Variants in PRH1 observed in about 807,000 individuals in gnomAD.
The protein encoded by PRH1 is salivary acidic proline-rich phosphoprotein 1/2.
A neutral mutation model predicts 7.9 loss-of-function variants in PRH1; 7 were observed. The observed-to-expected ratio is 0.89, with a 90% CI of 0.50 to 1.67. The LOEUF (loss-of-function observed/expected upper bound fraction) is 1.67. PRH1 is among the 40% of genes most tolerant of loss of function. The probability of loss-of-function intolerance (pLI) is 0.00; values close to 1 mark genes in which losing one functional copy is unlikely to be tolerated. For missense variants in PRH1, 109 were observed against 223.6 expected, an observed-to-expected ratio of 0.49 and a Z score of 3.27; for synonymous variants, 45 against 80.8, an observed-to-expected ratio of 0.56 and a Z score of 2.38.
intron 2 of PRH1, chr12:10,938,454 A>C: frequency 6.2e-7 from 1 of 1,614,098 alleles, no homozygotes; most frequent in African/African-American, 1.3e-5. Context: ...TCAGAGGTCC[A>C]AACTGATATG....
chr12:11,050,051 T>A (rs1591892558), upstream of PRH1, among the ~76,000 whole-genome samples: 1 of 152,288 alleles, frequency 6.6e-6, no homozygotes, highest in South Asian at 2.1e-4. Context: ...GAATAATATT[T>A]ATCAAACATG....
rs560267904 is a variant in PRH1, at chr12:11,130,460, T to G, written n.40-9280A>C. Among the ~76,000 whole-genome samples the G allele has an allele frequency of 4.6e-4, 70 of 152,280 alleles. 1 individual carries two copies. Among genetic ancestry groups the G allele is most frequent in the African/African-American group, 1.6e-3 (67 of 41,560 alleles). On this transcript the variant is annotated intron_variant and non_coding_transcript_variant, in intron 1 of 1. Coordinates refer to the PRH1 transcript ENST00000541175. ...TTTTGGAGACAACATATTCCACATT[T>G]GAGAATATTGCTCTGACTCACGAAC... is the stretch of plus-strand genomic sequence containing the variant.
intron 1 of PRH1, among the ~76,000 whole-genome samples, chr12:11,107,660 C>T (rs968879885): frequency 3.3e-5 from 5 of 152,154 alleles, no homozygotes; most frequent in African/African-American, 9.7e-5. Flanking sequence ...CAAAGCTGCA[C>T]GAATCAGGAT....
intron 2 of PRH1, among the ~76,000 whole-genome samples, chr12:10,903,970 C>G (rs1401010653): frequency 1.5e-5 from 1 of 68,358 alleles, no homozygotes; most frequent in Admixed American, 1.9e-4. Flanking sequence ...AGGACTACAG[C>G]TAACCAAGGA....
chr12:11,145,764 T>TCA (rs1946842823), intron 1 of PRH1, among the ~76,000 whole-genome samples: 2 of 151,480 alleles, frequency 1.3e-5, no homozygotes, highest in Admixed American at 6.6e-5. Context: ...ATTAAGAACT[T>TCA]TTTTTTTGTA....
chr12:10,972,279 G>A (rs1164864528), intron 2 of PRH1, among the ~76,000 whole-genome samples: 1 of 152,148 alleles, frequency 6.6e-6, no homozygotes, highest in Non-Finnish European at 1.5e-5. Flanking sequence ...CACTGGGCAT[G>A]ATCCCCCTTA....
At position 10,962,931 on chromosome 12, in the gene PRH1, T is replaced by G. The variant is rs192172124; in HGVS notation, c.-59+10724A>C. Among the ~76,000 whole-genome samples, 1,273 of 152,218 alleles carry G rather than the reference T, an allele frequency of 8.4e-3. 9 individuals carry two copies. Among genetic ancestry groups the G allele is most frequent in the Middle Eastern group, 0.017 (5 of 294 alleles). On this transcript the variant is annotated intron_variant, in intron 2 of 3. Transcript: ENST00000539853. ...ACTACAGGCTCCCGCCACCACGCCC[T>G]GCTAATTTTTTTGTATTTTTAGCAG... is the stretch of plus-strand genomic sequence containing the variant.
chr12:10,905,968 G>A (rs1212233000), intron 2 of PRH1, among the ~76,000 whole-genome samples: 1 of 152,156 alleles, frequency 6.6e-6, no homozygotes, highest in Non-Finnish European at 1.5e-5. Flanking sequence ...GAGTGCAGAG[G>A]TGAAAATACT....
chr12:11,018,426 G>T (rs988708986), intron 1 of PRH1, among the ~76,000 whole-genome samples: 9 of 152,220 alleles, frequency 5.9e-5, no homozygotes, highest in African/African-American at 2.2e-4. Flanking sequence ...TGCTTCCTCA[G>T]ATTCCCTTGA....
rs1439155026 is a variant in PRH1 at position 10,911,031 on chromosome 12, C to T, written c.-58-26756G>A. ...GTCAAGATAGAATAGAAAATGTCTCCTTTAACAGTTTGTTAGGTTTGTATA... is the reference window on the plus strand; with the variant it reads ...GTCAAGATAGAATAGAAAATGTCTCTTTTAACAGTTTGTTAGGTTTGTATA... On this transcript the variant is annotated intron_variant, in intron 2 of 3. Coordinates refer to the PRH1 transcript ENST00000539853. Among the ~76,000 whole-genome samples the T allele has an allele frequency of 1.3e-5, 2 of 152,096 alleles. 1 individual carries two copies. The highest frequency in any genetic ancestry group is 3.9e-4 in the East Asian group (2 of 5,190).
In PRH1 at chr12:10,997,360, C is replaced by T. The variant is rs113758584; in HGVS notation, c.-125-23639G>A. Reference sequence around the variant, plus strand: ...TGGCTACAGTCAAGTTGGAAAGGTGCATTGCATTCCTCAGTTTGATCTTCC... The same window carrying T: ...TGGCTACAGTCAAGTTGGAAAGGTGTATTGCATTCCTCAGTTTGATCTTCC... On this transcript the variant is annotated intron_variant, in intron 1 of 3. Transcript: ENST00000539853. 547 of 1,614,096 alleles carry T rather than the reference C, an allele frequency of 3.4e-4. 3 individuals are homozygous for T. The African/African-American group carries it at 6.3e-3, about 18-fold the overall frequency.
chr12:11,057,542 TAAC>T (rs551858818), intron 1 of PRH1, among the ~76,000 whole-genome samples: 5 of 152,234 alleles, frequency 3.3e-5, no homozygotes, highest in Non-Finnish European at 7.3e-5. Flanking sequence ...TAAAATATAA[TAAC>T]CGCATTCCCT....
At chr12:10,924,788 T>C (rs896465367) in intron 2 of PRH1, among the ~76,000 whole-genome samples, 4 of 152,220 alleles carry the variant, frequency 2.6e-5, no homozygotes, top group African/African-American at 7.2e-5. Flanking sequence ...TTTATTTGCA[T>C]AGAGGTGTTT....
intron 1 of PRH1, among the ~76,000 whole-genome samples, chr12:11,124,525 G>A (rs971669393): frequency 1.1e-4 from 16 of 152,206 alleles, no homozygotes; most frequent in South Asian, 2.1e-4. Flanking sequence ...GTTTTCTTCA[G>A]CAATGTATTT....
chr12:11,058,513 G>C (rs1943456011), intron 1 of PRH1, among the ~76,000 whole-genome samples: 1 of 152,276 alleles, frequency 6.6e-6, no homozygotes, highest in Admixed American at 6.5e-5. Context: ...TGGGATTTTG[G>C]AGCCAACATA....
chr12:11,047,393 G>A (rs1942941460), upstream of PRH1, among the ~76,000 whole-genome samples: 1 of 151,892 alleles, frequency 6.6e-6, no homozygotes, highest in Non-Finnish European at 1.5e-5. Flanking sequence ...TTTTAAGAGA[G>A]GGAATAATTG....
chr12:11,069,326 C>T (rs1258761556), intron 1 of PRH1, among the ~76,000 whole-genome samples: 3 of 152,020 alleles, frequency 2.0e-5, no homozygotes, highest in East Asian at 3.9e-4. Flanking sequence ...GGATAATCAC[C>T]CTTACGCTTG....
At chr12:11,170,248 A>C (rs1434361886) in intron 1 of PRH1, among the ~76,000 whole-genome samples, 1 of 152,188 alleles carries the variant, frequency 6.6e-6, no homozygotes, top group African/African-American at 2.4e-5. Context: ...TAATGGTATT[A>C]AGAGTTTGGA....
intron 1 of PRH1, chr12:11,005,920 T>C (rs963455087): frequency 1.3e-5 from 2 of 152,172 alleles, no homozygotes; most frequent in Non-Finnish European, 2.9e-5. Context: ...TATTTTCCAC[T>C]GAAGACTCTA....
Sources: allele counts gnomAD v4.1 joint callset (sites outside exome capture counted in the v4.1 genomes callset), GRCh38; gene constraint gnomAD v4.1.1; transcripts MANE v1.5; gene names NCBI Gene and HGNC (gene_info 2026-07-23, HGNC 2026-07-21).